Variants in PRKN observed in about 807,000 individuals in gnomAD.
The protein encoded by PRKN is E3 ubiquitin-protein ligase parkin.
Under a neutral mutation model 59.5 loss-of-function variants are expected in PRKN, and 56 were observed. That is an observed-to-expected ratio of 0.94 (90% confidence interval 0.76 to 1.18). The LOEUF (loss-of-function observed/expected upper bound fraction) is 1.18, where lower values mean the gene tolerates loss of function less well. PRKN is among the 50% of genes most tolerant of loss of function. The pLI is 0.00. For synonymous variants in PRKN, 250 were observed against 222.1 expected (o/e 1.13, Z -1.12); for missense variants, 657 against 596.4 (o/e 1.10, Z -1.06).
At chr6:162,673,108 T>C (rs548226980) in intron 1 of PRKN, among the ~76,000 whole-genome samples, 13 of 152,304 alleles carry the variant, frequency 8.5e-5, no homozygotes, top group Admixed American at 1.3e-4. Context: ...ATATAGTCAC[T>C]GCCCATCCAT....
At chr6:162,389,853 C>A (rs964978969) in intron 2 of PRKN, among the ~76,000 whole-genome samples, 1 of 152,236 alleles carries the variant, frequency 6.6e-6, no homozygotes, top group Non-Finnish European at 1.5e-5. Context: ...TTCCTACATA[C>A]TCTTTGCACT....
chr6:161,587,312 G>C (rs1013537770), intron 7 of PRKN, among the ~76,000 whole-genome samples: 1 of 152,128 alleles, frequency 6.6e-6, no homozygotes, highest in African/African-American at 2.4e-5. Flanking sequence ...GTGTTTAAAA[G>C]CTATAAAGAA....
chr6:161,746,001 G>T (rs1164360982), intron 7 of PRKN, among the ~76,000 whole-genome samples: 1 of 152,202 alleles, frequency 6.6e-6, no homozygotes, highest in Non-Finnish European at 1.5e-5. Context: ...AGGCCTCATC[G>T]TGGCATTTTC....
intron 5 of PRKN, among the ~76,000 whole-genome samples, chr6:162,044,451 C>G (rs979230191): frequency 6.6e-6 from 1 of 152,212 alleles, no homozygotes; most frequent in African/African-American, 2.4e-5. Context: ...TCTAGCTCAG[C>G]CTCTGCATTT....
intron 10 of PRKN, among the ~76,000 whole-genome samples, chr6:161,364,013 C>CA (rs1339776402): frequency 2.2e-5 from 3 of 136,966 alleles, no homozygotes; most frequent in Admixed American, 7.4e-5. Flanking sequence ...CAAAAAATTA[C>CA]AAAAAATTAG....
intron 9 of PRKN, among the ~76,000 whole-genome samples, chr6:161,536,146 G>A (rs1225271786): frequency 6.6e-6 from 1 of 151,976 alleles, no homozygotes; most frequent in African/African-American, 2.4e-5. Flanking sequence ...AAATGCCTGT[G>A]TGCCCATTAA....
intron 1 of PRKN, among the ~76,000 whole-genome samples, chr6:162,614,941 C>T (rs980281900): frequency 6.6e-6 from 1 of 152,142 alleles, no homozygotes; most frequent in African/African-American, 2.4e-5. Context: ...GAGAATAGAA[C>T]ACACAGTCAA....
intron 2 of PRKN, among the ~76,000 whole-genome samples, chr6:162,284,397 T>A (rs1264097116): frequency 4.6e-5 from 7 of 151,954 alleles, no homozygotes; most frequent in Non-Finnish European, 8.8e-5. Flanking sequence ...GCTAATTTTG[T>A]ATTTTTAGTA....
chr6:162,015,564 T>G (rs535380398), intron 5 of PRKN, among the ~76,000 whole-genome samples: 1 of 150,776 alleles, frequency 6.6e-6, no homozygotes, highest in Non-Finnish European at 1.5e-5. Flanking sequence ...ACGCTCTTGC[T>G]GCTGAATCCT....
intron 9 of PRKN, among the ~76,000 whole-genome samples, chr6:161,398,874 T>C (rs1786900637): frequency 6.6e-6 from 1 of 152,080 alleles, no homozygotes; most frequent in African/African-American, 2.4e-5. Flanking sequence ...CAGGGAAATA[T>C]TGGGTAGAAG....
intron 2 of PRKN, among the ~76,000 whole-genome samples, chr6:162,359,207 G>T (rs1785023005): frequency 6.6e-6 from 1 of 151,548 alleles, no homozygotes; most frequent in Non-Finnish European, 1.5e-5. Context: ...CCACAGCAGA[G>T]GAAAACCACC....
chr6:161,796,309 A>G (rs1790846164), intron 6 of PRKN, among the ~76,000 whole-genome samples: 1 of 152,206 alleles, frequency 6.6e-6, no homozygotes, highest in African/African-American at 2.4e-5. Flanking sequence ...TGAAAACATT[A>G]CAATGTAACA....
chr6:161,823,732 T>A (rs1792129976), intron 6 of PRKN, among the ~76,000 whole-genome samples: 1 of 152,166 alleles, frequency 6.6e-6, no homozygotes, highest in African/African-American at 2.4e-5. Flanking sequence ...CACACTCCCT[T>A]GGTGTGCAAA....
rs534877304 is a variant in PRKN at position 161,583,093 on chromosome 6, G to A, written c.872-13677C>T. ...ATGATTTACTGGTTAATTTTTTGAT[G>A]ATGAACTATAGAGCATTACCAAAAA... is the stretch of plus-strand genomic sequence containing the variant. On this transcript the variant is annotated intron_variant, in intron 7 of 11. Transcript: ENST00000366898. 4.6e-5 allele frequency among the ~76,000 whole-genome samples: 7 copies of A among 151,350 alleles called. No homozygotes were observed. The South Asian group carries it at 1.5e-3, about 32-fold the overall frequency.
At chr6:162,682,362 C>T (rs2105721) in intron 1 of PRKN, among the ~76,000 whole-genome samples, 95,194 of 151,916 alleles carry the variant, frequency 0.63, 30,577 homozygotes, top group African/African-American at 0.75. Flanking sequence ...AACCTAGATG[C>T]CCATCAATGG....
At chr6:161,406,747 A>G (rs1787296234) in intron 9 of PRKN, among the ~76,000 whole-genome samples, 1 of 152,192 alleles carries the variant, frequency 6.6e-6, no homozygotes, top group African/African-American at 2.4e-5. Context: ...TTTCAAATGT[A>G]CATACAACTT....
intron 6 of PRKN, among the ~76,000 whole-genome samples, chr6:161,837,208 C>T (rs1248071026): frequency 1.3e-5 from 2 of 152,100 alleles, no homozygotes; most frequent in African/African-American, 4.8e-5. Flanking sequence ...TCAGCTTTCC[C>T]GAGAAACTGG....
chr6:161,753,724 A>G (rs9458355), intron 7 of PRKN, among the ~76,000 whole-genome samples: 8,480 of 152,252 alleles, frequency 0.056, 789 homozygotes, highest in African/African-American at 0.19. Context: ...CTCGGCTTGG[A>G]GCAAGGCCAA....
chr6:161,945,874 G>C (rs1779757890), intron 6 of PRKN, among the ~76,000 whole-genome samples: 1 of 152,166 alleles, frequency 6.6e-6, no homozygotes, highest in Non-Finnish European at 1.5e-5. Context: ...CGAAATGGAT[G>C]AGCCTTCTTT....
Sources: allele counts gnomAD v4.1 joint callset (sites outside exome capture counted in the v4.1 genomes callset), GRCh38; gene constraint gnomAD v4.1.1; transcripts MANE v1.5; gene names NCBI Gene and HGNC (gene_info 2026-07-23, HGNC 2026-07-21).